The following CEMIP2 variants were observed in gnomAD, a reference collection of about 807,000 sequenced individuals.
CEMIP2 encodes cell surface hyaluronidase CEMIP2.
A neutral mutation model predicts 146.9 loss-of-function variants in CEMIP2; 79 were observed. The observed-to-expected ratio is 0.54, with a 90% confidence interval of 0.45 to 0.65. The LOEUF is 0.65. Among genes scored for constraint, CEMIP2 ranks in the 30% least tolerant of loss-of-function variants. The pLI, the probability that CEMIP2 is intolerant of heterozygous loss-of-function variation, is 0.00. For missense variants in CEMIP2, 1,596 were observed against 1,696.2 expected, an observed-to-expected ratio of 0.94 and a Z score of 1.04; for synonymous variants, 601 against 606.3, an observed-to-expected ratio of 0.99 and a Z score of 0.13.
intron 2 of CEMIP2, among the ~76,000 whole-genome samples, chr9:71,747,796 G>A (rs1824131261): frequency 6.6e-6 from 1 of 152,062 alleles, no homozygotes; most frequent in Non-Finnish European, 1.5e-5. Flanking sequence ...CAATGCCCTA[G>A]GTTTATGCTT....
At chr9:71,714,599 C>A (rs549365197) in intron 15 of CEMIP2, among the ~76,000 whole-genome samples, 1 of 151,818 alleles carries the variant, frequency 6.6e-6, no homozygotes, top group Non-Finnish European at 1.5e-5. Flanking sequence ...GGTTTGGCAA[C>A]TTTCTATGGC....
At chr9:71,732,588 G>T in intron 6 of CEMIP2, 68 bp from the exon 7 acceptor site, 1 of 1,356,492 alleles carries the variant, frequency 7.4e-7, no homozygotes, top group Non-Finnish European at 9.6e-7. Context: ...ACTTCAAAAA[G>T]ACATTCTCTT....
intron 14 of CEMIP2, among the ~76,000 whole-genome samples, chr9:71,715,509 T>C (rs934148275): frequency 6.6e-6 from 1 of 151,024 alleles, no homozygotes. Flanking sequence ...CCTCCCAAAA[T>C]GCTGGGATTA....
At chr9:71,745,670 G>A (rs1244247851) in intron 3 of CEMIP2, 91 bp from the exon 4 acceptor site, 7 of 1,285,674 alleles carry the variant, frequency 5.4e-6, no homozygotes, top group South Asian at 1.5e-5. Context: ...ATACACTTCC[G>A]CAATTAGGTC....
At chr9:71,700,457 C>T (rs561257559) in intron 19 of CEMIP2, among the ~76,000 whole-genome samples, 185 bp downstream of exon 19, 4 of 152,278 alleles carry the variant, frequency 2.6e-5, no homozygotes, top group African/African-American at 7.2e-5. Context: ...CATCTTCACT[C>T]GATCCCTACT....
At position 71,730,791 on chromosome 9, in the gene CEMIP2, A is replaced by G. The variant is rs560802543; in HGVS notation, c.1687T>C (p.Tyr563His). Residue 563 changes from tyrosine (Y) to histidine (H), a missense_variant, in exon 8 of 24, where the codon TAC becomes CAC. Coordinates refer to ENST00000377044, the MANE Select transcript of CEMIP2 (RefSeq NM_013390.3). ...LCGDVDYKGG[Y>H]RHATFVDGLS... ...CCGTCCACAAATGTTGCATGTCTGT[A>G]TCCTCCTTTATAATCCACGTCACCA... 5 of 1,614,200 alleles carry G rather than the reference A, an allele frequency of 3.1e-6. No individual in the cohort carries two copies. Among genetic ancestry groups the G allele is most frequent in the East Asian group, 4.5e-5 (2 of 44,882 alleles).
intron 1 of CEMIP2, among the ~76,000 whole-genome samples, chr9:71,760,250 AT>A: frequency 6.6e-6 from 1 of 152,336 alleles, no homozygotes; most frequent in South Asian, 2.1e-4. Context: ...TATGGTCTGT[AT>A]TTAAGGAATT....
chr9:71,719,433 T>C (rs146328159), intron 12 of CEMIP2, among the ~76,000 whole-genome samples: 1 of 152,258 alleles, frequency 6.6e-6, no homozygotes, highest in Middle Eastern at 3.4e-3. Flanking sequence ...TGGGTCTCCA[T>C]TGGAAATGCA....
In CEMIP2 at chr9:71,730,054, T is replaced by G; in HGVS notation, c.1973A>C (p.Asp658Ala). 6.2e-7 allele frequency: 1 copy of G among 1,614,102 alleles called. No individual in the cohort carries two copies. Among genetic ancestry groups the G allele is most frequent in the Non-Finnish European group, 8.5e-7 (1 of 1,180,018 alleles). ...FGNYIPVPAT[D>A]CMAVSTFWIA... ...CTCTCCGCCAATTACTCACATACAG[T>G]CAGTAGCAGGCACAGGAATGTAATT... The change falls in exon 9 of 24, where the codon GAC becomes GCC. Residue 658 changes from aspartate (D) to alanine (A), a missense_variant. By Grantham distance (126) the Asp-to-Ala change is moderately radical. Transcript: ENST00000377044.
chr9:71,750,385 A>G lies in CEMIP2; in HGVS notation c.-12T>C, dbSNP rs566985251. On this transcript the variant is annotated splice_region_variant and 5_prime_UTR_variant, in exon 2 of 24. Coordinates refer to ENST00000377044, the MANE Select transcript of CEMIP2 (RefSeq NM_013390.3). The stretch of plus-strand genomic sequence containing the variant: ...TCAGTGGCATACATGATACACTGTT[A>G]CTGTGAAAAGAAAAAAAAATTAAGC... The G allele has an allele frequency of 1.9e-6, 3 of 1,552,076 alleles. No individual in the cohort carries two copies. Among genetic ancestry groups the G allele is most frequent in the African/African-American group, 2.8e-5 (2 of 72,160 alleles).
At chr9:71,709,927 TAA>T (rs1207553845) in intron 16 of CEMIP2, among the ~76,000 whole-genome samples, 2 of 152,202 alleles carry the variant, frequency 1.3e-5, no homozygotes, top group Admixed American at 1.3e-4. Context: ...AAATCTATGA[TAA>T]GTTATCTTCA....
intron 18 of CEMIP2, 145 bp from the exon 19 acceptor site, chr9:71,700,969 G>C: frequency 1.4e-6 from 1 of 697,682 alleles, no homozygotes; most frequent in Non-Finnish European, 2.2e-6. Context: ...TCTTCTGTGT[G>C]TTGGGCCACT....
Position 71,685,399 on chromosome 9 carries a change from A to AC in CEMIP2, c.3956-7_3956-6insG, listed in dbSNP as rs1164941246. On this transcript the variant is annotated splice_region_variant and splice_polypyrimidine_tract_variant and intron_variant, in intron 23 of 23. Coordinates refer to ENST00000377044, the MANE Select transcript of CEMIP2 (RefSeq NM_013390.3). ...TCCCAAAAATATGGTACTCCCTAAAAAAAAAAAAAAAAAAGAAAAAGAAAA... is the reference window on the plus strand; with the variant it reads ...TCCCAAAAATATGGTACTCCCTAAAACAAAAAAAAAAAAAAGAAAAAGAAAA... 2 of 1,472,310 alleles carry AC rather than the reference A, an allele frequency of 1.4e-6. No homozygotes were observed. Among genetic ancestry groups the AC allele is most frequent in the Non-Finnish European group, 1.8e-6 (2 of 1,105,744 alleles). 91.2% of individuals were successfully genotyped at this position (1,472,310 alleles called of 1,614,324 possible).
rs533469203 is a variant in CEMIP2 at position 71,730,146 on chromosome 9, C to T, written c.1881G>A (p.Pro627=). The T allele has an allele frequency of 1.1e-5, 18 of 1,614,132 alleles. No individual in the cohort carries two copies. The highest frequency in any genetic ancestry group is 2.7e-5 in the African/African-American group (2 of 75,008). ...TCCTATCGGTGGGCAGGAGAGTACC[C>T]GGCTTGGTGAGGAGTCCCAGATTGT... ...LFHNLGLLTK[P]GTLLPTDRNN... is the part of the protein sequence containing the mutation. The change falls in exon 9 of 24, where the codon CCG becomes CCA. Residue 627 remains proline, a synonymous_variant. Transcript: ENST00000377044.
Position 71,709,395 on chromosome 9 carries a change from A to T in CEMIP2, c.2849T>A (p.Phe950Tyr). Residue 950 changes from phenylalanine (F) to tyrosine (Y), a missense_variant, in exon 17 of 24, where the codon TTC (phenylalanine) becomes TAC (tyrosine). Phe to Tyr is a conservative substitution (Grantham distance 22). Transcript: ENST00000377044. Reference sequence around the variant, plus strand: ...TGTCACAGAGCCATCAATGTCATGGAATATGGAGTTCTTATCACCATCCAT... The same window carrying T: ...TGTCACAGAGCCATCAATGTCATGGTATATGGAGTTCTTATCACCATCCAT... ...CEMDGDKNSI[F>Y]HDIDGSVTGY... 6.2e-7 allele frequency: 1 copy of T among 1,614,186 alleles called. No individual in the cohort carries two copies. The highest frequency in any genetic ancestry group is 8.5e-7 in the Non-Finnish European group (1 of 1,180,006).
intron 1 of CEMIP2, among the ~76,000 whole-genome samples, chr9:71,764,051 A>C (rs1256623422): frequency 6.6e-6 from 1 of 152,222 alleles, no homozygotes; most frequent in Admixed American, 6.5e-5. Flanking sequence ...AAAAAAGAAC[A>C]TGCAAACATA....
At chr9:71,723,206 A>G (rs1413805174) in intron 11 of CEMIP2, among the ~76,000 whole-genome samples, 2 of 151,710 alleles carry the variant, frequency 1.3e-5, no homozygotes, top group East Asian at 3.9e-4. Context: ...ATAATGGAGA[A>G]GGCTAAAGAG....
chr9:71,734,536 A>T (rs1823709709), intron 6 of CEMIP2, among the ~76,000 whole-genome samples: 1 of 152,350 alleles, frequency 6.6e-6, no homozygotes, highest in Non-Finnish European at 1.5e-5. Flanking sequence ...ACCTTGGAAA[A>T]TCAATTTCTC....
At chr9:71,704,440 T>C in intron 18 of CEMIP2, 155 bp downstream of exon 18, 1 of 710,940 alleles carries the variant, frequency 1.4e-6, no homozygotes. Flanking sequence ...ATCTCTTTAA[T>C]TCCATCAACA....
Sources: gnomAD v4.1 joint callset for allele counts (sites outside exome capture counted in the v4.1 genomes callset) on GRCh38, gnomAD v4.1.1 for gene constraint, MANE v1.5 for transcripts, NCBI Gene and HGNC (gene_info 2026-07-23, HGNC 2026-07-21) for gene names.